SLC28A2: variants seen among roughly 807,000 people sequenced by gnomAD.
SLC28A2 encodes the protein sodium/nucleoside cotransporter 2.
SLC28A2 carries 69 observed loss-of-function variants against 72.9 expected under a neutral mutation model. The ratio of observed to expected loss-of-function variants is 0.95; its 90% CI spans 0.78 to 1.16. The LOEUF (loss-of-function observed/expected upper bound fraction) is 1.16, where lower values mean the gene tolerates loss of function less well. SLC28A2 is among the 50% of genes most tolerant of loss of function. The pLI is 0.00. For synonymous variants in SLC28A2, 296 were observed against 294.1 expected, an observed-to-expected ratio of 1.01 and a Z score of -0.07; for missense variants, 745 against 791.1, an observed-to-expected ratio of 0.94 and a Z score of 0.70.
Position 45,252,292 on chromosome 15 carries a change from T to G in SLC28A2, c.-17+14T>G, listed in dbSNP as rs1899815380. 2.2e-6 allele frequency: 1 copy of G among 455,746 alleles called. No homozygotes were observed. The highest frequency in any genetic ancestry group is 2.0e-5 in the African/African-American group (1 of 50,006). The allele number at this position is 455,746 out of a possible 1,614,324, so 28.2% of individuals were successfully genotyped here. A position where few individuals can be genotyped will look rare whatever the true frequency, so the allele number is the denominator to read the frequency against. ...CCACAAGCTGGGGTAAGTAAAGGTG[T>G]TTGGGGGAGGGCAGGTGCCTAATTT... On this transcript the variant is annotated intron_variant, in intron 1 of 17. Coordinates refer to ENST00000347644, the MANE Select transcript of SLC28A2 (RefSeq NM_004212.4).
chr15:45,257,214 A>G (rs1340082906), intron 3 of SLC28A2, among the ~76,000 whole-genome samples: 1 of 152,182 alleles, frequency 6.6e-6, no homozygotes, highest in African/African-American at 2.4e-5. Context: ...AATCATGTCC[A>G]TGAAACTTTC....
At chr15:45,270,000 G>T (rs1900496165) in intron 14 of SLC28A2, among the ~76,000 whole-genome samples, 195 bp from the exon 15 acceptor site, 1 of 152,160 alleles carries the variant, frequency 6.6e-6, no homozygotes. Context: ...GTTGGGCAAT[G>T]AGGCCCATGG....
chr15:45,255,353 G>A (rs1899945334), intron 3 of SLC28A2: 1 of 152,086 alleles, frequency 6.6e-6, no homozygotes, highest in Non-Finnish European at 1.5e-5. Flanking sequence ...AAGACCAGGG[G>A]TTGGCAAACT....
chr15:45,268,351 G>A lies in SLC28A2; in HGVS notation c.1341G>A (p.Leu447=). The part of the protein sequence containing the change: ...INAALSWLGE[L]VDIQGLTFQV... Reference sequence around the variant, plus strand: ...CTGCCCTCTCCTGGCTGGGGGAATTGGTGGACATACAGGGGCTCACTTTCC... The same window carrying A: ...CTGCCCTCTCCTGGCTGGGGGAATTAGTGGACATACAGGGGCTCACTTTCC... Residue 447 remains leucine, a synonymous_variant, in exon 13 of 18, where the codon TTG becomes TTA. Transcript: ENST00000347644. 1 of 1,603,276 alleles carries A rather than the reference G, an allele frequency of 6.2e-7. No individual in the cohort carries two copies. Among genetic ancestry groups the A allele is most frequent in the South Asian group, 1.1e-5 (1 of 90,606 alleles).
Position 45,264,464 on chromosome 15 carries a change from A to G in SLC28A2, c.589-191A>G, listed in dbSNP as rs368078462. The stretch of plus-strand genomic sequence containing the variant: ...TCTAGACACATTTTTTAAAAACCTT[A>G]TGAACATATGTGGCTTTTTGTATAT... On this transcript the variant is annotated intron_variant, in intron 6 of 17. Transcript: ENST00000347644. Among the ~76,000 whole-genome samples the G allele has an allele frequency of 2.6e-5, 4 of 152,314 alleles. No individual in the cohort carries two copies. In the East Asian group the frequency reaches 7.7e-4, roughly 29 times the overall value.
chr15:45,269,529 G>C lies in SLC28A2; in HGVS notation c.1560G>C (p.Trp520Cys). The C allele has an allele frequency of 6.2e-7, 1 of 1,613,276 alleles. No homozygotes were observed. The highest frequency in any genetic ancestry group is 8.5e-7 in the Non-Finnish European group (1 of 1,179,222). The change falls in exon 14 of 18, where the codon TGG (tryptophan) becomes TGC (cysteine). Residue 520 changes from tryptophan (W) to cysteine (C), a missense_variant. Coordinates refer to ENST00000347644, the MANE Select transcript of SLC28A2 (RefSeq NM_004212.4). ...MEEWIEGEKQ[W>C]ISVRAEIITT... ...AGTGGATTGAGGGAGAGAAACAGTGGATTTCTGTAAGTGACAATCCAAAAA... is the reference window on the plus strand; with the variant it reads ...AGTGGATTGAGGGAGAGAAACAGTGCATTTCTGTAAGTGACAATCCAAAAA...
At chr15:45,262,781 G>C (rs1900201163) in intron 4 of SLC28A2, among the ~76,000 whole-genome samples, 1 of 152,140 alleles carries the variant, frequency 6.6e-6, no homozygotes, top group African/African-American at 2.4e-5. Context: ...ACAGAGAGAG[G>C]ATATTAGATA....
At chr15:45,267,617 C>T (rs747695736) in intron 11 of SLC28A2, 37 bp downstream of exon 11, 18 of 1,614,038 alleles carry the variant, frequency 1.1e-5, no homozygotes, top group East Asian at 6.7e-5. Context: ...TGGGTGAACT[C>T]GAGTTGGGTT....
rs1241234278 is a variant in SLC28A2, at chr15:45,260,379, CAAAGATA to C, written c.171-1635_171-1629del. ...GGAGAGTGGTGCTGGAGGAGCACACCAAAGATATCTGGCACACATGGGAAGGCCAGGA... is the reference window on the plus strand; with the variant it reads ...GGAGAGTGGTGCTGGAGGAGCACACCTCTGGCACACATGGGAAGGCCAGGA... On this transcript the variant is annotated intron_variant, in intron 3 of 17. Transcript: ENST00000347644. 3.9e-5 allele frequency among the ~76,000 whole-genome samples: 6 copies of C among 152,220 alleles called. No homozygotes were observed. The East Asian group carries it at 1.2e-3, about 29-fold the overall frequency.
Position 45,272,326 on chromosome 15 carries a change from G to C in SLC28A2, c.1680G>C (p.Leu560Phe). 1 of 1,613,936 alleles carries C rather than the reference G, an allele frequency of 6.2e-7. No individual in the cohort carries two copies. Among genetic ancestry groups the C allele is most frequent in the South Asian group, 1.1e-5 (1 of 91,074 alleles). ...TSIVPHRKSD[L>F]SKVVVRALFT... is the part of the protein sequence containing the mutation. ...TAGTACCTCACCGGAAGAGTGACTT[G>C]TCCAAGGTTGTGGTCAGGGCCCTCT... Residue 560 changes from leucine to phenylalanine, a missense_variant, in exon 16 of 18, where the codon TTG becomes TTC. Leu to Phe is a conservative substitution (Grantham distance 22, BLOSUM62 0). Transcript: ENST00000347644.
At chr15:45,273,522 G>A (rs1302421054) in intron 17 of SLC28A2, among the ~76,000 whole-genome samples, 1 of 152,082 alleles carries the variant, frequency 6.6e-6, no homozygotes, top group Non-Finnish European at 1.5e-5. Context: ...GGGAGTTGTG[G>A]GAAAAAAGGC....
rs1199940736 is a variant in SLC28A2, at chr15:45,276,336, G to A, written c.*823G>A. On this transcript the variant is annotated 3_prime_UTR_variant, in exon 18 of 18. Transcript: ENST00000347644. ...CACACTCTGGGGACTGTTGTGGGGTGAGGGGAAGGGGGAGGGATAGCATTA... is the reference window on the plus strand; with the variant it reads ...CACACTCTGGGGACTGTTGTGGGGTAAGGGGAAGGGGGAGGGATAGCATTA... 1 of 151,934 alleles carries A rather than the reference G, an allele frequency of 6.6e-6. No individual in the cohort carries two copies. The highest frequency in any genetic ancestry group is 1.5e-5 in the Non-Finnish European group (1 of 67,978). 9.4% of individuals were successfully genotyped at this position (151,934 alleles called of 1,614,324 possible).
At chr15:45,257,808 G>A (rs1373603961) in intron 3 of SLC28A2, among the ~76,000 whole-genome samples, 2 of 152,048 alleles carry the variant, frequency 1.3e-5, no homozygotes, top group African/African-American at 4.8e-5. Flanking sequence ...GTGATGATTT[G>A]GATTTATTTT....
Position 45,276,540 on chromosome 15 carries a change from T to G in SLC28A2, c.*1027T>G, listed in dbSNP as rs1180388132. 2 of 31,746 alleles carry G rather than the reference T, an allele frequency of 6.3e-5. No individual in the cohort carries two copies. Among genetic ancestry groups the G allele is most frequent in the African/African-American group, 1.8e-4 (2 of 11,216 alleles). The allele number at this position is 31,746 out of a possible 1,614,324, so 2.0% of individuals were successfully genotyped here. A position where few individuals can be genotyped will look rare whatever the true frequency, so the allele number is the denominator to read the frequency against. On this transcript the variant is annotated 3_prime_UTR_variant, in exon 18 of 18. Coordinates refer to ENST00000347644, the MANE Select transcript of SLC28A2 (RefSeq NM_004212.4). ...GTGAAGCACCCACCAAAAAATAAAA[T>G]AAATAAAATAAATAAATAAAAGAAA...
Position 45,275,418 on chromosome 15 carries a change from C to T in SLC28A2, c.1882C>T (p.Pro628Ser). The T allele has an allele frequency of 6.2e-7, 1 of 1,612,632 alleles. No individual in the cohort carries two copies. The highest frequency in any genetic ancestry group is 8.5e-7 in the Non-Finnish European group (1 of 1,178,688). Residue 628 changes from proline (P) to serine (S), a missense_variant, in exon 18 of 18, where the codon CCT becomes TCT. By Grantham distance (74) the Pro-to-Ser change is moderately conservative. Coordinates refer to ENST00000347644, the MANE Select transcript of SLC28A2 (RefSeq NM_004212.4). ...FQSTSLNGTN[P>S]PSFSGPWEDK... ...CAGTACTTCTCTGAATGGCACCAAC[C>T]CTCCTTCTTTTTCTGGTCCCTGGGA...
At chr15:45,265,717 C>A in intron 9 of SLC28A2, 54 bp downstream of exon 9, 1 of 1,262,378 alleles carries the variant, frequency 7.9e-7, no homozygotes. Context: ...TGTCATCAGT[C>A]AGCTTTGGAA....
rs200587062 is a variant in SLC28A2, at chr15:45,263,954, C to T, written c.520C>T (p.Leu174=). ...AGACACAGCCCAAAGGCCAGAGCAG[C>T]TGATCCCCTTTGCAGGAATCTGCAT... is the stretch of plus-strand genomic sequence containing the variant. ...ALDTAQRPEQ[L]IPFAGICMFI... is the part of the protein sequence containing the mutation. Residue 174 remains leucine (L), a synonymous_variant, in exon 6 of 18, where the codon CTG becomes TTG. Coordinates refer to ENST00000347644, the MANE Select transcript of SLC28A2 (RefSeq NM_004212.4). 49 of 1,613,768 alleles carry T rather than the reference C, an allele frequency of 3.0e-5. No homozygotes were observed. In the East Asian group the frequency reaches 1.1e-3, roughly 36 times the overall value.
In SLC28A2 at chr15:45,263,129, AC is replaced by A. The variant is rs775591919; in HGVS notation, c.333del (p.Cys112AlafsTer3). 10 of 1,613,846 alleles carry A rather than the reference AC, an allele frequency of 6.2e-6. No homozygotes were observed. The highest frequency in any genetic ancestry group is 8.5e-6 in the Non-Finnish European group (10 of 1,179,946). On this transcript the variant is annotated frameshift_variant, in exon 5 of 18. Transcript: ENST00000347644. LOFTEE classifies it high-confidence loss of function. ...FQRALALFVI[T>X]CLVIFVLVHS... ...GAGGGCACTGGCCTTGTTTGTCATC[AC>A]CTGCTTGGTGATCTTTGTCCTGGTT...
rs146491081 is a variant in SLC28A2, at chr15:45,262,957, G to A, written c.263-104G>A. The A allele has an allele frequency of 7.3e-4, 689 of 944,496 alleles. 2 individuals are homozygous for A. In the African/African-American group the frequency reaches 0.01, roughly 14 times the overall value. The allele number at this position is 944,496 out of a possible 1,614,324, so 58.5% of individuals were successfully genotyped here. On this transcript the variant is annotated intron_variant, in intron 4 of 17. Coordinates refer to ENST00000347644, the MANE Select transcript of SLC28A2 (RefSeq NM_004212.4). ...GTAGGGCTGGGTGGCAAGGTCTCTG[G>A]AGGGTTTTTCTTGCTCTAAGTCCCA...
Sources: gnomAD v4.1 joint callset for allele counts (sites outside exome capture counted in the v4.1 genomes callset) on GRCh38, gnomAD v4.1.1 for gene constraint, MANE v1.5 for transcripts, NCBI Gene and HGNC (gene_info 2026-07-23, HGNC 2026-07-21) for gene names.